Variants in CSMD1 observed in about 807,000 individuals in gnomAD.
CSMD1 encodes CUB and sushi domain-containing protein 1.
Under a neutral mutation model 417.5 loss-of-function variants are expected in CSMD1, and 213 were observed. The observed-to-expected ratio is 0.51, with a 90% confidence interval of 0.46 to 0.57. The LOEUF (loss-of-function observed/expected upper bound fraction) is 0.57, where lower values mean the gene tolerates loss of function less well. Among genes scored for constraint, CSMD1 ranks in the 20% least tolerant of loss-of-function variants. The pLI is 0.00. For missense variants in CSMD1, 6,923 were observed against 4,529.7 expected (o/e 1.53, Z -15.17); for synonymous variants, 2,862 against 1,736.8 (o/e 1.65, Z -16.11).
chr8:3,958,579 G>T lies in CSMD1; in HGVS notation c.818+39324C>A, dbSNP rs533863943. Among the ~76,000 whole-genome samples the T allele has an allele frequency of 2.6e-5, 4 of 152,110 alleles. No homozygotes were observed. In the South Asian group the frequency reaches 8.3e-4, roughly 32 times the overall value. On this transcript the variant is annotated intron_variant, in intron 5 of 69. Transcript: ENST00000635120. ...TATCAATTTACTCATTTATCTGCTT[G>T]TTCTTTATCCATTCACATACCCGCA...
chr8:3,213,738 TA>T lies in CSMD1; in HGVS notation c.4867+758del, dbSNP rs1466453323. Among the ~76,000 whole-genome samples the T allele has an allele frequency of 9.3e-5, 14 of 150,884 alleles. No homozygotes were observed. In the East Asian group the frequency reaches 2.5e-3, roughly 27 times the overall value. On this transcript the variant is annotated intron_variant, in intron 30 of 69. Transcript: ENST00000635120. Reference sequence around the variant, plus strand: ...ACATTAAAATATATATGTATATATGTAAAAATATATGTGTGTGTATGTATAT... The same window carrying T: ...ACATTAAAATATATATGTATATATGTAAAATATATGTGTGTGTATGTATAT...
chr8:4,386,801 T>A (rs537508046), intron 3 of CSMD1, among the ~76,000 whole-genome samples: 1 of 152,238 alleles, frequency 6.6e-6, no homozygotes, highest in South Asian at 2.1e-4. Context: ...AATAAAAAAA[T>A]ATTCTGGGCT....
At chr8:3,703,200 C>T (rs1327943815) in intron 7 of CSMD1, among the ~76,000 whole-genome samples, 1 of 152,180 alleles carries the variant, frequency 6.6e-6, no homozygotes, top group Non-Finnish European at 1.5e-5. Flanking sequence ...GTCGCCCTCA[C>T]CGCACAGAAG....
chr8:3,976,388 C>G (rs2740811), intron 5 of CSMD1, among the ~76,000 whole-genome samples: 39,714 of 152,038 alleles, frequency 0.26, 5,444 homozygotes, highest in Admixed American at 0.34. Flanking sequence ...GAACTTTCTT[C>G]AAGTTGCTGC....
chr8:4,903,788 G>T (rs746111179), intron 1 of CSMD1, among the ~76,000 whole-genome samples: 2 of 152,190 alleles, frequency 1.3e-5, no homozygotes, highest in African/African-American at 4.8e-5. Flanking sequence ...CTTCTTAGCA[G>T]CAGGACCTAC....
intron 1 of CSMD1, among the ~76,000 whole-genome samples, chr8:4,927,665 G>C (rs1333905835): frequency 2.0e-5 from 3 of 152,200 alleles, no homozygotes; most frequent in Admixed American, 6.5e-5. Context: ...ACTCAGGTAA[G>C]TGGTGATGAC....
intron 2 of CSMD1, among the ~76,000 whole-genome samples, chr8:4,573,296 G>T (rs1798975213): frequency 6.6e-6 from 1 of 152,122 alleles, no homozygotes; most frequent in African/African-American, 2.4e-5. Flanking sequence ...CCTTTGGATG[G>T]GATTTTCGCA....
At chr8:3,478,802 C>T (rs150085585) in intron 11 of CSMD1, among the ~76,000 whole-genome samples, 3 of 152,006 alleles carry the variant, frequency 2.0e-5, no homozygotes, top group African/African-American at 4.8e-5. Flanking sequence ...GCTGCCTTGT[C>T]GAAGAAAAAA....
At chr8:4,208,863 T>C (rs184542730) in intron 3 of CSMD1, among the ~76,000 whole-genome samples, 4 of 152,318 alleles carry the variant, frequency 2.6e-5, no homozygotes, top group African/African-American at 4.8e-5. Flanking sequence ...TAAGTATCCA[T>C]TCAAAATACC....
chr8:4,793,814 C>T (rs1797825924), intron 1 of CSMD1, among the ~76,000 whole-genome samples: 1 of 135,478 alleles, frequency 7.4e-6, no homozygotes, highest in South Asian at 2.5e-4. Context: ...ATCTAGAAAG[C>T]AGGCCACAAC....
chr8:3,668,531 G>T (rs1421747851), intron 7 of CSMD1, among the ~76,000 whole-genome samples: 3 of 152,152 alleles, frequency 2.0e-5, no homozygotes, highest in Non-Finnish European at 2.9e-5. Flanking sequence ...GTACACCTTG[G>T]TCCTATTCCT....
chr8:3,688,077 T>G (rs1800039790), intron 7 of CSMD1, among the ~76,000 whole-genome samples: 1 of 152,214 alleles, frequency 6.6e-6, no homozygotes, highest in Non-Finnish European at 1.5e-5. Context: ...CCTCAGGAAG[T>G]TCAGCAGGCT....
At chr8:3,377,442 TAAAG>T (rs1404896149) in intron 18 of CSMD1, among the ~76,000 whole-genome samples, 11 of 152,124 alleles carry the variant, frequency 7.2e-5, no homozygotes, top group Non-Finnish European at 1.2e-4. Flanking sequence ...CGACAGACAA[TAAAG>T]AAACAAAATG....
intron 1 of CSMD1, among the ~76,000 whole-genome samples, chr8:4,797,867 G>A (rs1378056931): frequency 6.6e-6 from 1 of 152,112 alleles, no homozygotes; most frequent in Non-Finnish European, 1.5e-5. Context: ...TTTCCTCATG[G>A]ATTTTACGAA....
At chr8:3,498,557 G>A (rs949613557) in intron 10 of CSMD1, among the ~76,000 whole-genome samples, 2 of 152,152 alleles carry the variant, frequency 1.3e-5, no homozygotes, top group African/African-American at 4.8e-5. Context: ...AAAAATTTGA[G>A]AAGTTTTCAG....
intron 2 of CSMD1, among the ~76,000 whole-genome samples, chr8:4,554,147 AT>A (rs1044256795): frequency 4.1e-4 from 62 of 152,018 alleles, no homozygotes; most frequent in Non-Finnish European, 8.2e-4. Flanking sequence ...CGATTTATTT[AT>A]TTTTTTGAGG....
chr8:3,315,452 G>GTA (rs1563263794), intron 23 of CSMD1, among the ~76,000 whole-genome samples: 6 of 151,934 alleles, frequency 3.9e-5, no homozygotes, highest in South Asian at 2.1e-4. Flanking sequence ...GTGTGTGTGT[G>GTA]TGTGTGTGTG....
rs187665796 is a variant in CSMD1 at position 4,352,754 on chromosome 8, G to T, written c.415+67199C>A. 4.6e-5 allele frequency among the ~76,000 whole-genome samples: 7 copies of T among 152,308 alleles called. No individual in the cohort carries two copies. The East Asian group carries it at 1.4e-3, about 29-fold the overall frequency. Reference sequence around the variant, plus strand: ...TCTGAGATTTAAGAGTCATTTGATGGAAACCATGGCAGACAAATCTACTGT... The same window carrying T: ...TCTGAGATTTAAGAGTCATTTGATGTAAACCATGGCAGACAAATCTACTGT... On this transcript the variant is annotated intron_variant, in intron 3 of 69. Coordinates refer to ENST00000635120, the MANE Select transcript of CSMD1 (RefSeq NM_033225.6).
intron 1 of CSMD1, among the ~76,000 whole-genome samples, chr8:4,829,654 C>G (rs893136671): frequency 6.7e-6 from 1 of 150,232 alleles, no homozygotes; most frequent in African/African-American, 2.5e-5. Context: ...GAGGGGGGAT[C>G]GCTTAAATCC....
Sources: gnomAD v4.1 joint callset for allele counts (sites outside exome capture counted in the v4.1 genomes callset) on GRCh38, gnomAD v4.1.1 for gene constraint, MANE v1.5 for transcripts, NCBI Gene and HGNC (gene_info 2026-07-23, HGNC 2026-07-21) for gene names.